IGSF11: variants seen among roughly 807,000 people sequenced by gnomAD.
The protein encoded by IGSF11 is CXADR like 1.
Under a neutral mutation model 41.0 loss-of-function variants are expected in IGSF11, and 22 were observed. The ratio of observed to expected loss-of-function variants is 0.54; its 90% CI spans 0.38 to 0.77. The LOEUF (loss-of-function observed/expected upper bound fraction) is 0.77. Ranked by LOEUF, IGSF11 falls within the 30% of genes least tolerant of loss-of-function variation. The pLI is 0.00. For missense variants in IGSF11, 444 were observed against 530.8 expected, an observed-to-expected ratio of 0.84 and a Z score of 1.61; for synonymous variants, 219 against 201.3, an observed-to-expected ratio of 1.09 and a Z score of -0.74.
chr3:118,909,723 C>CT (rs1205028903), intron 4 of IGSF11, among the ~76,000 whole-genome samples: 1 of 152,206 alleles, frequency 6.6e-6, no homozygotes, highest in African/African-American at 2.4e-5. Flanking sequence ...AATATTTTGT[C>CT]TGTTTGCCCT....
intron 1 of IGSF11, among the ~76,000 whole-genome samples, chr3:119,048,016 A>T (rs1216948949): frequency 2.0e-5 from 3 of 152,124 alleles, no homozygotes; most frequent in Admixed American, 2.0e-4. Context: ...AGGGAAATTT[A>T]TAGCACTAAA....
intron 1 of IGSF11, among the ~76,000 whole-genome samples, chr3:118,963,732 C>T (rs895821253): frequency 1.3e-5 from 2 of 152,118 alleles, no homozygotes; most frequent in African/African-American, 4.8e-5. Flanking sequence ...AATTATATTT[C>T]TATTTATCTA....
intron 1 of IGSF11, among the ~76,000 whole-genome samples, chr3:119,114,696 A>G (rs2077232117): frequency 6.6e-6 from 1 of 152,046 alleles, no homozygotes; most frequent in African/African-American, 2.4e-5. Context: ...AGCCCTCCCA[A>G]ATGTTCTAAC....
At chr3:118,974,624 C>A (rs1933855184) in intron 1 of IGSF11, among the ~76,000 whole-genome samples, 1 of 152,164 alleles carries the variant, frequency 6.6e-6, no homozygotes, top group African/African-American at 2.4e-5. Context: ...TCAGTACAAA[C>A]CACATTCCAT....
At chr3:118,966,959 C>T (rs1222283197) in intron 1 of IGSF11, among the ~76,000 whole-genome samples, 1 of 152,006 alleles carries the variant, frequency 6.6e-6, no homozygotes, top group Non-Finnish European at 1.5e-5. Context: ...CTGTTCCTAC[C>T]ACTTTCTGTA....
At chr3:118,966,723 A>T (rs1437572540) in intron 1 of IGSF11, among the ~76,000 whole-genome samples, 1 of 152,242 alleles carries the variant, frequency 6.6e-6, no homozygotes. Flanking sequence ...CACTTTAATA[A>T]GGGTTAGGTT....
At chr3:119,137,252 C>A (rs1206307235) in intron 1 of IGSF11, among the ~76,000 whole-genome samples, 1 of 151,854 alleles carries the variant, frequency 6.6e-6, no homozygotes, top group Non-Finnish European at 1.5e-5. Context: ...AACAAAAGAT[C>A]CAGAATAGCC....
rs1456325720 is a variant in IGSF11 at position 118,977,990 on chromosome 3, T to C, written c.53-47715A>G. 1.3e-5 allele frequency among the ~76,000 whole-genome samples: 2 copies of C among 152,140 alleles called. 1 individual carries two copies. Among genetic ancestry groups the C allele is most frequent in the East Asian group, 3.9e-4 (2 of 5,188 alleles). On this transcript the variant is annotated intron_variant, in intron 1 of 6. Coordinates refer to ENST00000393775, the MANE Select transcript of IGSF11 (RefSeq NM_001015887.3). ...CATGCATCCTGAGGACAAATTCCAC[T>C]GCCCACAACCACTGCAGCTACAGAC...
At chr3:119,044,953 T>A (rs1941262150) in intron 1 of IGSF11, among the ~76,000 whole-genome samples, 1 of 152,080 alleles carries the variant, frequency 6.6e-6, no homozygotes, top group African/African-American at 2.4e-5. Flanking sequence ...AGAACCGCCT[T>A]AAAGCACAAA....
At chr3:119,123,696 G>T (rs2077363235) in intron 1 of IGSF11, among the ~76,000 whole-genome samples, 1 of 152,190 alleles carries the variant, frequency 6.6e-6, no homozygotes, top group African/African-American at 2.4e-5. Flanking sequence ...CAGAGAAAGA[G>T]AAGAGAACAA....
intron 1 of IGSF11, among the ~76,000 whole-genome samples, chr3:119,018,112 T>C (rs541013072): frequency 1.3e-5 from 2 of 152,360 alleles, no homozygotes; most frequent in South Asian, 4.1e-4. Context: ...TTGAATTTGA[T>C]AACACATTTA....
chr3:118,979,489 G>A (rs544373602), intron 1 of IGSF11, among the ~76,000 whole-genome samples: 1 of 152,188 alleles, frequency 6.6e-6, no homozygotes, highest in East Asian at 1.9e-4. Context: ...GCAAAAGAAT[G>A]AAACTAGAAC....
intron 1 of IGSF11, among the ~76,000 whole-genome samples, chr3:118,994,563 T>C (rs889662706): frequency 1.3e-5 from 2 of 152,064 alleles, no homozygotes; most frequent in South Asian, 4.2e-4. Context: ...GAGGCTGAGA[T>C]GGGAGGATCA....
At chr3:118,941,579 T>C (rs1943704855) in intron 1 of IGSF11, among the ~76,000 whole-genome samples, 1 of 152,216 alleles carries the variant, frequency 6.6e-6, no homozygotes, top group African/African-American at 2.4e-5. Flanking sequence ...GAATTAAATG[T>C]ACACTTAACT....
At chr3:119,100,198 A>T (rs56213565) in intron 1 of IGSF11, among the ~76,000 whole-genome samples, 14,278 of 152,314 alleles carry the variant, frequency 0.094, 1,463 homozygotes, top group African/African-American at 0.25. Context: ...AGACAAACTG[A>T]AAAAGAGAAA....
chr3:118,992,600 T>C (rs936554452), intron 1 of IGSF11, among the ~76,000 whole-genome samples: 13 of 152,338 alleles, frequency 8.5e-5, no homozygotes, highest in African/African-American at 2.6e-4. Context: ...ATCTGACTTA[T>C]GGATCTGGTT....
chr3:119,047,827 C>T (rs916538166), intron 1 of IGSF11, among the ~76,000 whole-genome samples: 16 of 152,148 alleles, frequency 1.1e-4, no homozygotes, highest in Non-Finnish European at 2.4e-4. Context: ...CAAACTAGAA[C>T]TCAGGATTAA....
chr3:118,932,928 A>T (rs749284182), intron 1 of IGSF11, among the ~76,000 whole-genome samples: 2 of 152,218 alleles, frequency 1.3e-5, no homozygotes, highest in African/African-American at 2.4e-5. Flanking sequence ...CAAATTTTTT[A>T]AAATGACCAA....
At chr3:118,970,044 A>T (rs1020612498) in intron 1 of IGSF11, among the ~76,000 whole-genome samples, 4 of 152,204 alleles carry the variant, frequency 2.6e-5, no homozygotes, top group Non-Finnish European at 4.4e-5. Context: ...AAGTTGCCAC[A>T]GGTCCCTCTA....
Sources: allele counts gnomAD v4.1 joint callset (sites outside exome capture counted in the v4.1 genomes callset), GRCh38; gene constraint gnomAD v4.1.1; transcripts MANE v1.5; gene names NCBI Gene and HGNC (gene_info 2026-07-23, HGNC 2026-07-21).